Variants in FBXO34 observed in about 807,000 individuals in gnomAD.
FBXO34 encodes the protein F-box only protein 34.
A neutral mutation model predicts 24.5 loss-of-function variants in FBXO34; 12 were observed. The ratio of observed to expected loss-of-function variants is 0.49; its 90% CI spans 0.31 to 0.79. The LOEUF (loss-of-function observed/expected upper bound fraction) is 0.79. Among genes scored for constraint, FBXO34 ranks in the 30% least tolerant of loss-of-function variants. The probability of loss-of-function intolerance (pLI) is 0.04; values close to 1 mark genes in which losing one functional copy is unlikely to be tolerated. For synonymous variants in FBXO34, 320 were observed against 311.9 expected (o/e 1.03, Z -0.27); for missense variants, 823 against 857.7 (o/e 0.96, Z 0.51).
chr14:55,409,851 G>C, the FBXO34 span, among the ~76,000 whole-genome samples: 1 of 152,212 alleles, frequency 6.6e-6, no homozygotes, highest in Non-Finnish European at 1.5e-5. Context: ...AACTGTGGCT[G>C]CAATATGGAA....
chr14:55,289,829 G>T (rs1362712939), intron 1 of FBXO34, among the ~76,000 whole-genome samples: 1 of 151,876 alleles, frequency 6.6e-6, no homozygotes, highest in South Asian at 2.1e-4. Flanking sequence ...TTACAGGAGT[G>T]GGTCCCCAAG....
the FBXO34 span, among the ~76,000 whole-genome samples, chr14:55,426,617 T>C: frequency 6.6e-6 from 1 of 151,760 alleles, no homozygotes; most frequent in African/African-American, 2.4e-5. Flanking sequence ...ATCCATAACC[T>C]GAGGCTGACA....
At chr14:55,318,523 T>TG (rs1883019400) in intron 1 of FBXO34, among the ~76,000 whole-genome samples, 1 of 149,050 alleles carries the variant, frequency 6.7e-6, no homozygotes, top group African/African-American at 2.5e-5. Flanking sequence ...CTTGTATTTT[T>TG]TTTTTGTTTT....
intron 1 of FBXO34, chr14:55,299,019 C>T: frequency 6.2e-7 from 1 of 1,608,494 alleles, no homozygotes; most frequent in Non-Finnish European, 8.5e-7. Context: ...CATTGCTGAC[C>T]AGCAAGAACT....
At chr14:55,330,241 CG>C (rs1883487785) in intron 1 of FBXO34, among the ~76,000 whole-genome samples, 1 of 152,016 alleles carries the variant, frequency 6.6e-6, no homozygotes, top group Non-Finnish European at 1.5e-5. Flanking sequence ...TTTTTGTCTC[CG>C]TAAGTGTTCT....
At chr14:55,320,981 T>G (rs956651081) in intron 1 of FBXO34, among the ~76,000 whole-genome samples, 27 of 152,332 alleles carry the variant, frequency 1.8e-4, no homozygotes, top group African/African-American at 6.0e-4. Flanking sequence ...ATATTAATTT[T>G]GTTATAGTTT....
At chr14:55,437,023 G>A in the FBXO34 span, 1 of 1,612,442 alleles carries the variant, frequency 6.2e-7, no homozygotes, top group Admixed American at 1.7e-5. Flanking sequence ...GCCATCCTAG[G>A]CAGTTCCCAA....
downstream of FBXO34, chr14:55,369,339 C>T (rs1358905438): frequency 4.0e-6 from 1 of 252,262 alleles, no homozygotes; most frequent in Non-Finnish European, 7.5e-6. Context: ...GCTTCCTTGG[C>T]AGAACTGGCC....
intron 1 of FBXO34, among the ~76,000 whole-genome samples, chr14:55,295,375 A>G (rs944886033): frequency 1.3e-5 from 2 of 149,824 alleles, no homozygotes; most frequent in South Asian, 2.1e-4. Context: ...TATGAGGTAA[A>G]TATTCTTTTC....
At chr14:55,359,920 A>G (rs1884571074) in intron 3 of FBXO34, among the ~76,000 whole-genome samples, 1 of 149,892 alleles carries the variant, frequency 6.7e-6, no homozygotes, top group Non-Finnish European at 1.5e-5. Flanking sequence ...TGCCTACAAA[A>G]AAAAAAAAAA....
the FBXO34 span, chr14:55,411,759 G>A: frequency 4.4e-6 from 7 of 1,606,818 alleles, no homozygotes; most frequent in Non-Finnish European, 5.1e-6. Context: ...TCCCGGGCGA[G>A]CGGCCGGGGC....
At chr14:55,299,303 T>C in intron 1 of FBXO34, 1 of 632,628 alleles carries the variant, frequency 1.6e-6, no homozygotes, top group South Asian at 1.6e-5. Context: ...GCAGGCAGGT[T>C]CCATCGCTCT....
rs569333243 is a variant in FBXO34, at chr14:55,312,583, C to T, written c.-10-37798C>T. On this transcript the variant is annotated intron_variant, in intron 1 of 1. Coordinates refer to ENST00000313833, the MANE Select transcript of FBXO34 (RefSeq NM_017943.4). ...TGCAGCAAACTTCTGCCTGATCATC[C>T]AGATGTTTCCATACATCCTCTGAAA... Among the ~76,000 whole-genome samples the T allele has an allele frequency of 4.6e-5, 7 of 152,340 alleles. No individual in the cohort carries two copies. In the South Asian group the frequency reaches 1.2e-3, roughly 27 times the overall value.
At chr14:55,380,612 T>C in the FBXO34 span, 1 of 1,613,024 alleles carries the variant, frequency 6.2e-7, no homozygotes, top group Non-Finnish European at 8.5e-7. Flanking sequence ...ATCAAGTATA[T>C]GAGACAGAAT....
Position 55,352,193 on chromosome 14 carries a change from C to T in FBXO34, c.1803C>T (p.Thr601=). ...PTKSLVALKC[T]CCYFKFIIEY... ...AGAGTTTAGTGGCCCTTAAATGTAC[C>T]TGCTGCTATTTCAAGTTTATCATTG... Residue 601 remains threonine, a synonymous_variant, in exon 2 of 2, where the codon ACC becomes ACT. Coordinates refer to ENST00000313833, the MANE Select transcript of FBXO34 (RefSeq NM_017943.4). 3 of 1,614,092 alleles carry T rather than the reference C, an allele frequency of 1.9e-6. No homozygotes were observed. The highest frequency in any genetic ancestry group is 2.5e-6 in the Non-Finnish European group (3 of 1,180,016).
intron 3 of FBXO34, among the ~76,000 whole-genome samples, chr14:55,359,212 T>A (rs1422232354): frequency 6.6e-6 from 1 of 152,072 alleles, no homozygotes; most frequent in Non-Finnish European, 1.5e-5. Flanking sequence ...TCCCCCCAGC[T>A]CTTCTTCAGC....
chr14:55,413,221 T>G, the FBXO34 span, among the ~76,000 whole-genome samples: 159 of 152,362 alleles, frequency 1.0e-3, 4 homozygotes, highest in South Asian at 0.033. Flanking sequence ...GTCTCGGGCT[T>G]ATGTTTCATT....
At chr14:55,357,573 T>C (rs1252183189), downstream of FBXO34, among the ~76,000 whole-genome samples, 1 of 152,184 alleles carries the variant, frequency 6.6e-6, no homozygotes, top group African/African-American at 2.4e-5. Context: ...CCGAGCACTT[T>C]AGGAGGCCAA....
At chr14:55,298,912 A>C in intron 1 of FBXO34, 3 of 1,578,418 alleles carry the variant, frequency 1.9e-6, no homozygotes, top group Non-Finnish European at 2.6e-6. Flanking sequence ...GCCAACACCA[A>C]TACCGAGGTG....
Sources: allele counts gnomAD v4.1 joint callset (sites outside exome capture counted in the v4.1 genomes callset), GRCh38; gene constraint gnomAD v4.1.1; transcripts MANE v1.5; gene names NCBI Gene and HGNC (gene_info 2026-07-23, HGNC 2026-07-21).